LARGE1: variants seen among roughly 807,000 people sequenced by gnomAD.
The protein encoded by LARGE1 is xylosyl- and glucuronyltransferase LARGE1.
In LARGE1, 43 loss-of-function variants were observed where a neutral mutation model predicts 87.6. The ratio of observed to expected loss-of-function variants is 0.49; its 90% CI spans 0.38 to 0.63. The LOEUF (loss-of-function observed/expected upper bound fraction) is 0.63. Ranked by LOEUF, LARGE1 falls within the 30% of genes least tolerant of loss-of-function variation. The pLI, the probability that LARGE1 is intolerant of heterozygous loss-of-function variation, is 0.00. For synonymous variants in LARGE1, 434 were observed against 394.6 expected (o/e 1.10, Z -1.18); for missense variants, 802 against 1,000.2 (o/e 0.80, Z 2.67).
At chr22:33,830,894 T>C (rs2062945319) in intron 1 of LARGE1, among the ~76,000 whole-genome samples, 1 of 152,138 alleles carries the variant, frequency 6.6e-6, no homozygotes, top group Non-Finnish European at 1.5e-5. Context: ...TGAGGTCTCT[T>C]TATATAAAAG....
chr22:33,462,504 T>A (rs371326363), intron 6 of LARGE1, among the ~76,000 whole-genome samples: 13 of 152,076 alleles, frequency 8.5e-5, no homozygotes, highest in African/African-American at 3.1e-4. Flanking sequence ...CCACTGAGGC[T>A]GGGCGTGGTG....
chr22:33,443,391 G>A (rs2147844868), intron 6 of LARGE1, among the ~76,000 whole-genome samples: 1 of 152,324 alleles, frequency 6.6e-6, no homozygotes, highest in Non-Finnish European at 1.5e-5. Context: ...GGGAGAAAGG[G>A]TGGTCGAAGT....
chr22:33,611,771 G>A (rs1000398996), intron 4 of LARGE1, among the ~76,000 whole-genome samples: 4 of 152,228 alleles, frequency 2.6e-5, no homozygotes, highest in African/African-American at 9.6e-5. Flanking sequence ...CAAATCTCAT[G>A]TTGAAAGGTA....
chr22:33,297,254 A>G (rs1454189477), intron 12 of LARGE1, among the ~76,000 whole-genome samples: 1 of 152,190 alleles, frequency 6.6e-6, no homozygotes, highest in African/African-American at 2.4e-5. Flanking sequence ...AGAGTCGAAC[A>G]GAAATCTGGC....
chr22:33,881,134 C>T (rs2064669355), intron 1 of LARGE1, among the ~76,000 whole-genome samples: 1 of 152,072 alleles, frequency 6.6e-6, no homozygotes, highest in African/African-American at 2.4e-5. Flanking sequence ...GACAGGCTCC[C>T]ATATGGAGAG....
At chr22:33,635,249 T>A (rs1403806086) in intron 3 of LARGE1, among the ~76,000 whole-genome samples, 2 of 152,188 alleles carry the variant, frequency 1.3e-5, no homozygotes, top group Non-Finnish European at 2.9e-5. Context: ...CCTTTATTTT[T>A]GGTTAAGTGA....
intron 6 of LARGE1, among the ~76,000 whole-genome samples, chr22:33,463,397 T>G (rs1212069987): frequency 1.3e-5 from 2 of 152,166 alleles, no homozygotes; most frequent in Non-Finnish European, 2.9e-5. Context: ...ACTGATAAAT[T>G]ATACAAGATG....
intron 1 of LARGE1, among the ~76,000 whole-genome samples, chr22:33,814,669 C>G (rs2146203121): frequency 6.6e-6 from 1 of 152,276 alleles, no homozygotes; most frequent in East Asian, 1.9e-4. Flanking sequence ...AACCTACCCA[C>G]AACTTTGGAC....
rs74550830 is a variant in LARGE1, at chr22:33,283,291, C to T, written c.1788G>A (p.Ala596=). 3.4e-3 allele frequency: 5,479 copies of T among 1,614,108 alleles called. 18 individuals carry two copies. The highest frequency in any genetic ancestry group is 3.8e-3 in the Non-Finnish European group (4,470 of 1,180,014). The part of the protein sequence containing the change: ...ANTKKAMIVP[A]FETLRYRLSF... ...ACAGCCGGTAGCGCAGTGTCTCGAA[C>T]GCGGGGACAATCATTGCTTTCTTGG... is the stretch of plus-strand genomic sequence containing the variant. The change falls in exon 13 of 15, where the codon GCG becomes GCA. Residue 596 remains alanine (A), a synonymous_variant. Coordinates refer to ENST00000397394, the MANE Select transcript of LARGE1 (RefSeq NM_133642.5).
At chr22:33,134,213 G>GT in the LARGE1 span, among the ~76,000 whole-genome samples, 3 of 150,354 alleles carry the variant, frequency 2.0e-5, no homozygotes, top group South Asian at 4.2e-4. Context: ...AGTACAGGCT[G>GT]TAAGTCTACC....
chr22:33,456,046 G>A (rs879469024), intron 6 of LARGE1, among the ~76,000 whole-genome samples: 8 of 152,232 alleles, frequency 5.3e-5, no homozygotes, highest in African/African-American at 9.6e-5. Flanking sequence ...CATTTTCTCC[G>A]TATGCTAAGG....
chr22:33,706,341 G>A (rs892432050), intron 2 of LARGE1, among the ~76,000 whole-genome samples: 1 of 152,198 alleles, frequency 6.6e-6, no homozygotes, highest in Non-Finnish European at 1.5e-5. Flanking sequence ...CCTCGTCAGG[G>A]CCTGAGAACA....
chr22:33,416,642 C>G (rs540194120), intron 7 of LARGE1, among the ~76,000 whole-genome samples: 1 of 151,998 alleles, frequency 6.6e-6, no homozygotes, highest in Non-Finnish European at 1.5e-5. Context: ...CTCGCATTGT[C>G]GCCCAGCCTG....
chr22:33,887,177 T>C (rs1376340537), intron 1 of LARGE1, among the ~76,000 whole-genome samples: 2 of 152,146 alleles, frequency 1.3e-5, no homozygotes, highest in Non-Finnish European at 2.9e-5. Flanking sequence ...CAAAATTGCT[T>C]TGTCAAAATC....
intron 2 of LARGE1, among the ~76,000 whole-genome samples, chr22:33,716,243 CAT>C (rs2082903870): frequency 6.6e-6 from 1 of 152,126 alleles, no homozygotes; most frequent in Non-Finnish European, 1.5e-5. Flanking sequence ...TTTGCATAAA[CAT>C]ATGCCCTGCA....
intron 2 of LARGE1, among the ~76,000 whole-genome samples, chr22:33,692,589 G>A (rs1006840595): frequency 4.3e-4 from 66 of 152,314 alleles, no homozygotes; most frequent in African/African-American, 1.5e-3. Flanking sequence ...GGAATTATAG[G>A]CGTGAGCCAC....
chr22:33,625,455 C>T (rs1016017689), intron 4 of LARGE1, among the ~76,000 whole-genome samples: 3 of 152,232 alleles, frequency 2.0e-5, no homozygotes, highest in East Asian at 1.9e-4. Flanking sequence ...TGGGGGTCCA[C>T]GAGAGTCAAT....
intron 7 of LARGE1, among the ~76,000 whole-genome samples, chr22:33,431,940 T>C (rs2067095257): frequency 6.6e-6 from 1 of 152,180 alleles, no homozygotes; most frequent in Admixed American, 6.5e-5. Flanking sequence ...AGGGGCTTTC[T>C]GGTGAGATGC....
intron 11 of LARGE1, among the ~76,000 whole-genome samples, chr22:33,253,474 G>A (rs1927104524): frequency 6.6e-6 from 1 of 152,164 alleles, no homozygotes; most frequent in Non-Finnish European, 1.5e-5. Context: ...CACTTTGGGA[G>A]GCCCAGGTGG....
Sources: allele counts gnomAD v4.1 joint callset (sites outside exome capture counted in the v4.1 genomes callset), GRCh38; gene constraint gnomAD v4.1.1; transcripts MANE v1.5; gene names NCBI Gene and HGNC (gene_info 2026-07-23, HGNC 2026-07-21).